The following MAGI2 variants were observed in gnomAD, a reference collection of about 807,000 sequenced individuals.
MAGI2 encodes membrane-associated guanylate kinase, WW and PDZ domain-containing protein 2.
MAGI2 carries 35 observed loss-of-function variants against 133.3 expected under a neutral mutation model. The observed-to-expected ratio is 0.26, with a 90% CI of 0.20 to 0.35. The LOEUF (loss-of-function observed/expected upper bound fraction) is 0.35. MAGI2 is among the 10% of genes least tolerant of loss of function. The probability of loss-of-function intolerance (pLI) is 1.00; values close to 1 mark genes in which losing one functional copy is unlikely to be tolerated. For missense variants in MAGI2, 1,636 were observed against 1,863.4 expected (o/e 0.88, Z 2.25); for synonymous variants, 729 against 710.6 (o/e 1.03, Z -0.41).
chr7:79,140,255 A>C (rs570236489), intron 1 of MAGI2, among the ~76,000 whole-genome samples: 1 of 152,332 alleles, frequency 6.6e-6, no homozygotes, highest in African/African-American at 2.4e-5. Context: ...GATTCTAAAA[A>C]TTGGGTGTTT....
intron 9 of MAGI2, among the ~76,000 whole-genome samples, chr7:78,279,876 T>C (rs1441210683): frequency 6.6e-6 from 1 of 152,134 alleles, no homozygotes; most frequent in Non-Finnish European, 1.5e-5. Context: ...CTACTATCAA[T>C]ACGGAGATTG....
At chr7:79,360,314 A>G (rs1842301323) in intron 1 of MAGI2, among the ~76,000 whole-genome samples, 1 of 152,292 alleles carries the variant, frequency 6.6e-6, no homozygotes, top group East Asian at 1.9e-4. Context: ...TAAACACTGC[A>G]GCTGCAAGTT....
intron 10 of MAGI2, among the ~76,000 whole-genome samples, chr7:78,245,170 A>G: frequency 6.6e-6 from 1 of 152,234 alleles, no homozygotes. Flanking sequence ...GAGAAACACT[A>G]AGATAACTCA....
At chr7:78,236,324 A>G (rs1790535785) in intron 10 of MAGI2, among the ~76,000 whole-genome samples, 1 of 152,182 alleles carries the variant, frequency 6.6e-6, no homozygotes, top group African/African-American at 2.4e-5. Context: ...GACAGAAGAC[A>G]GTCAGTAGAA....
intron 2 of MAGI2, among the ~76,000 whole-genome samples, chr7:78,943,021 C>G (rs1050740264): frequency 6.6e-6 from 1 of 152,008 alleles, no homozygotes; most frequent in Middle Eastern, 3.2e-3. Flanking sequence ...GAAACTAGTC[C>G]TAATTTGCCA....
At chr7:79,070,820 T>C (rs929597285) in intron 1 of MAGI2, among the ~76,000 whole-genome samples, 1 of 152,190 alleles carries the variant, frequency 6.6e-6, no homozygotes, top group Non-Finnish European at 1.5e-5. Flanking sequence ...TTCTCTATAC[T>C]GGTTATTCTA....
At chr7:78,762,210 G>A (rs146084499) in intron 2 of MAGI2, among the ~76,000 whole-genome samples, 24 of 152,228 alleles carry the variant, frequency 1.6e-4, no homozygotes, top group African/African-American at 5.8e-4. Flanking sequence ...TTGGGAGGAT[G>A]AGGCAGGCAG....
chr7:78,969,142 G>A lies in MAGI2; in HGVS notation c.418+37948C>T, dbSNP rs117137551. Among the ~76,000 whole-genome samples, 1,460 of 152,150 alleles carry A rather than the reference G, an allele frequency of 9.6e-3. 8 individuals carry two copies. Among genetic ancestry groups the A allele is most frequent in the Non-Finnish European group, 0.016 (1,059 of 67,982 alleles). On this transcript the variant is annotated intron_variant, in intron 2 of 21. Coordinates refer to ENST00000354212, the MANE Select transcript of MAGI2 (RefSeq NM_012301.4). ...GTGTCGGGGTCATGGCGCAGGACAA[G>A]TAAAGCCATCTGTGCAGGTGTACTG...
At chr7:78,027,107 A>G (rs1440472827) in intron 21 of MAGI2, among the ~76,000 whole-genome samples, 1 of 152,204 alleles carries the variant, frequency 6.6e-6, no homozygotes, top group Non-Finnish European at 1.5e-5. Flanking sequence ...AATGTTCTAC[A>G]AACTCAGCTG....
intron 1 of MAGI2, among the ~76,000 whole-genome samples, chr7:79,050,358 T>C (rs545527082): frequency 1.1e-4 from 16 of 152,234 alleles, no homozygotes; most frequent in African/African-American, 1.2e-4. Context: ...TGTCACACTA[T>C]GGGTCTTATC....
chr7:79,264,318 G>T (rs570770310), intron 1 of MAGI2, among the ~76,000 whole-genome samples: 1 of 152,240 alleles, frequency 6.6e-6, no homozygotes, highest in East Asian at 1.9e-4. Flanking sequence ...ATCTGAGATT[G>T]TCAGTTTAAT....
In MAGI2 at chr7:78,595,002, G is replaced by A. The variant is rs192362859; in HGVS notation, c.538+32118C>T. On this transcript the variant is annotated intron_variant, in intron 3 of 21. Coordinates refer to ENST00000354212, the MANE Select transcript of MAGI2 (RefSeq NM_012301.4). ...ACATATAGCTTAGAAGGTATATAAGGTCTGGAAGACTTTGTAATTTTGAGT... is the reference window on the plus strand; with the variant it reads ...ACATATAGCTTAGAAGGTATATAAGATCTGGAAGACTTTGTAATTTTGAGT... 4.5e-4 allele frequency among the ~76,000 whole-genome samples: 69 copies of A among 152,248 alleles called. 1 individual carries two copies. Among genetic ancestry groups the A allele is most frequent in the Admixed American group, 4.5e-3 (69 of 15,294 alleles).
chr7:78,180,071 T>G (rs1827050236), intron 13 of MAGI2, among the ~76,000 whole-genome samples: 1 of 152,224 alleles, frequency 6.6e-6, no homozygotes, highest in Admixed American at 6.5e-5. Flanking sequence ...ATAATACAAC[T>G]GCTCATGGCA....
At chr7:78,404,405 C>G (rs1327662031) in intron 6 of MAGI2, among the ~76,000 whole-genome samples, 1 of 152,128 alleles carries the variant, frequency 6.6e-6, no homozygotes, top group East Asian at 1.9e-4. Context: ...ATCATGCTAC[C>G]TGACTTCAAA....
At chr7:78,883,094 A>G in intron 2 of MAGI2, among the ~76,000 whole-genome samples, 1 of 152,276 alleles carries the variant, frequency 6.6e-6, no homozygotes, top group Middle Eastern at 3.4e-3. Context: ...ACAACTCTAT[A>G]TGTAGAAAAT....
Position 78,963,272 on chromosome 7 carries a change from A to T in MAGI2, c.418+43818T>A, listed in dbSNP as rs182520782. ...CTATCACATCCATTAAGAAAAGTTT[A>T]CAGACCTTGATCTAATTTCCCTCCA... On this transcript the variant is annotated intron_variant, in intron 2 of 21. Transcript: ENST00000354212. Among the ~76,000 whole-genome samples the T allele has an allele frequency of 1.8e-3, 274 of 152,248 alleles. 1 individual carries two copies. Among genetic ancestry groups the T allele is most frequent in the African/African-American group, 6.2e-3 (259 of 41,576 alleles).
intron 1 of MAGI2, among the ~76,000 whole-genome samples, chr7:79,057,859 A>T (rs1017164983): frequency 6.6e-6 from 1 of 151,974 alleles, no homozygotes; most frequent in Non-Finnish European, 1.5e-5. Flanking sequence ...AAGATGGGAG[A>T]TAAGATCTCC....
At chr7:78,365,164 A>G (rs1793246416) in intron 7 of MAGI2, among the ~76,000 whole-genome samples, 1 of 138,958 alleles carries the variant, frequency 7.2e-6, no homozygotes, top group South Asian at 2.4e-4. Context: ...CATGTTGTCC[A>G]GGGCTACTCC....
At position 78,461,948 on chromosome 7, in the gene MAGI2, G is replaced by GAAAGAAAGAAAGAAAAGA. The variant is rs1554424397; in HGVS notation, c.1045+27812_1045+27813insTCTTTTCTTTCTTTCTTT. ...AAAAAAAAAAAAAAAAAAAAAAAAAGAAAGAAAGAAACAGGAAAAATTAAA... is the reference window on the plus strand; with the variant it reads ...AAAAAAAAAAAAAAAAAAAAAAAAAGAAAGAAAGAAAGAAAAGAAAAGAAAGAAACAGGAAAAATTAAA... On this transcript the variant is annotated intron_variant, in intron 6 of 21. Coordinates refer to ENST00000354212, the MANE Select transcript of MAGI2 (RefSeq NM_012301.4). 4.0e-3 allele frequency among the ~76,000 whole-genome samples: 314 copies of GAAAGAAAGAAAGAAAAGA among 78,796 alleles called. 6 individuals carry two copies. The highest frequency in any genetic ancestry group is 7.4e-3 in the South Asian group (18 of 2,420). 51.7% of individuals were successfully genotyped at this position (78,796 alleles called of 152,430 possible). A position where few individuals can be genotyped will look rare whatever the true frequency, so the allele number is the denominator to read the frequency against.
Sources: gnomAD v4.1 joint callset for allele counts (sites outside exome capture counted in the v4.1 genomes callset) on GRCh38, gnomAD v4.1.1 for gene constraint, MANE v1.5 for transcripts, NCBI Gene and HGNC (gene_info 2026-07-23, HGNC 2026-07-21) for gene names.